The following VPS13B variants were observed in gnomAD, a reference collection of about 807,000 sequenced individuals.
VPS13B encodes the protein intermembrane lipid transfer protein VPS13B.
In VPS13B, 285 loss-of-function variants were observed where a neutral mutation model predicts 426.4. That is an observed-to-expected ratio of 0.67 (90% confidence interval 0.61 to 0.74). The LOEUF (loss-of-function observed/expected upper bound fraction) is 0.74. VPS13B is among the 30% of genes least tolerant of loss of function. VPS13B has a pLI of 0.00. For synonymous variants in VPS13B, 1,676 were observed against 1,676.4 expected (o/e 1.00, Z 0.01); for missense variants, 4,537 against 4,782.6 (o/e 0.95, Z 1.51).
At chr8:99,265,307 G>C (rs1469276326) in intron 17 of VPS13B, among the ~76,000 whole-genome samples, 2 of 152,118 alleles carry the variant, frequency 1.3e-5, no homozygotes, top group Non-Finnish European at 2.9e-5. Context: ...GATTGTAGGG[G>C]AATTGGACAC....
At chr8:99,481,553 G>A in intron 24 of VPS13B, 46 bp from the exon 25 acceptor site, 3 of 1,579,834 alleles carry the variant, frequency 1.9e-6, no homozygotes, top group Non-Finnish European at 2.6e-6. Flanking sequence ...GATTGAAACT[G>A]GAAGTTGAAA....
In VPS13B at chr8:99,504,234, C is replaced by A. The variant is rs1821382480; in HGVS notation, c.4157+1284C>A. ...TGACACACCTGTTCTGCTTTGCCTTCTTCCATGAGTAAAAGCTTCCCAAGG... is the reference window on the plus strand; with the variant it reads ...TGACACACCTGTTCTGCTTTGCCTTATTCCATGAGTAAAAGCTTCCCAAGG... On this transcript the variant is annotated intron_variant, in intron 27 of 61. Coordinates refer to ENST00000357162, the MANE Select transcript of VPS13B (RefSeq NM_152564.5). Among the ~76,000 whole-genome samples the A allele has an allele frequency of 2.6e-5, 4 of 152,190 alleles. No individual in the cohort carries two copies. The South Asian group carries it at 8.3e-4, about 32-fold the overall frequency.
At chr8:99,167,513 A>G (rs1055900720) in intron 15 of VPS13B, among the ~76,000 whole-genome samples, 1 of 152,018 alleles carries the variant, frequency 6.6e-6, no homozygotes, top group South Asian at 2.1e-4. Flanking sequence ...GTCATTTACA[A>G]TTAGCATGTG....
In VPS13B at chr8:99,507,148, G is replaced by A; in HGVS notation, c.4169G>A (p.Gly1390Asp). Reference sequence around the variant, plus strand: ...CTTATGTTTTCCAGGCCAGGGGAAGGTTGGCAGTCAGGACATTTTGAAGGA... The same window carrying A: ...CTTATGTTTTCCAGGCCAGGGGAAGATTGGCAGTCAGGACATTTTGAAGGA... Reference protein sequence around the residue: ...IDHYRSRPGEGWQSGHFEGVF... With the variant: ...IDHYRSRPGEDWQSGHFEGVF... The change falls in exon 28 of 62, where the codon GGT becomes GAT. Residue 1390 changes from glycine (G) to aspartate (D), a missense_variant. By Grantham distance (94) the Gly-to-Asp change is moderately conservative. Transcript: ENST00000357162. 1 of 1,613,984 alleles carries A rather than the reference G, an allele frequency of 6.2e-7. No homozygotes were observed. Among genetic ancestry groups the A allele is most frequent in the Middle Eastern group, 1.7e-4 (1 of 6,058 alleles).
intron 41 of VPS13B, 72 bp from the exon 42 acceptor site, chr8:99,778,610 C>A (rs1025872071): frequency 7.5e-7 from 1 of 1,339,126 alleles, no homozygotes; most frequent in Non-Finnish European, 1.1e-6. Context: ...GTTTGAATGT[C>A]ATTTCACTCT....
At chr8:99,503,102 C>T in intron 27 of VPS13B, 152 bp downstream of exon 27, 1 of 620,340 alleles carries the variant, frequency 1.6e-6, no homozygotes, top group Non-Finnish European at 2.8e-6. Context: ...CAGACTATTC[C>T]AATAAAGTGA....
At chr8:99,564,974 T>A (rs530608314) in intron 31 of VPS13B, among the ~76,000 whole-genome samples, 1 of 152,356 alleles carries the variant, frequency 6.6e-6, no homozygotes, top group East Asian at 1.9e-4. Context: ...TATTTTATAA[T>A]CTGAGGAAAT....
chr8:99,788,243 A>T (rs1479050284), intron 43 of VPS13B, among the ~76,000 whole-genome samples: 1 of 151,634 alleles, frequency 6.6e-6, no homozygotes, highest in Non-Finnish European at 1.5e-5. Context: ...TTAAAAATTT[A>T]AAAATCTCCA....
Position 99,738,639 on chromosome 8 carries a change from A to AT in VPS13B, c.7050+17599dup, listed in dbSNP as rs562048212. The stretch of plus-strand genomic sequence containing the variant: ...ACTCCTTCTACACATACAACCTTAC[A>AT]TTTTTTTCCAGGCAATATCTTTATC... On this transcript the variant is annotated intron_variant, in intron 39 of 61. Coordinates refer to ENST00000357162, the MANE Select transcript of VPS13B (RefSeq NM_152564.5). Among the ~76,000 whole-genome samples the AT allele has an allele frequency of 7.2e-5, 11 of 152,166 alleles. No homozygotes were observed. In the South Asian group the frequency reaches 8.3e-4, roughly 12 times the overall value.
intron 19 of VPS13B, among the ~76,000 whole-genome samples, chr8:99,379,843 CAG>C (rs1315309462): frequency 6.6e-6 from 1 of 152,080 alleles, no homozygotes; most frequent in Non-Finnish European, 1.5e-5. Flanking sequence ...GCTCATTTGA[CAG>C]AAAGAAATTC....
At chr8:99,156,908 T>C (rs1054904772) in intron 15 of VPS13B, among the ~76,000 whole-genome samples, 165 bp downstream of exon 15, 2 of 152,186 alleles carry the variant, frequency 1.3e-5, no homozygotes, top group Non-Finnish European at 2.9e-5. Flanking sequence ...AAGTAAGTAA[T>C]AAAAATATAC....
intron 39 of VPS13B, among the ~76,000 whole-genome samples, chr8:99,750,341 C>CTGGTTTGGGAA (rs1810330450): frequency 1.3e-5 from 2 of 152,092 alleles, no homozygotes; most frequent in Non-Finnish European, 2.9e-5. Flanking sequence ...AAAGTTGCCC[C>CTGGTTTGGGAA]ACTTTGGGAC....
At chr8:99,154,752 A>T (rs1811267082) in intron 14 of VPS13B, among the ~76,000 whole-genome samples, 1 of 152,146 alleles carries the variant, frequency 6.6e-6, no homozygotes, top group South Asian at 2.1e-4. Flanking sequence ...TAGTCTGAGC[A>T]ATCCTAATTC....
At chr8:99,124,171 G>A (rs535403609) in intron 8 of VPS13B, among the ~76,000 whole-genome samples, 9 of 152,290 alleles carry the variant, frequency 5.9e-5, no homozygotes, top group Non-Finnish European at 1.2e-4. Flanking sequence ...TACCATAAAG[G>A]TTTTAAAGAG....
At chr8:99,397,180 C>G (rs781256560) in intron 21 of VPS13B, among the ~76,000 whole-genome samples, 14 of 152,192 alleles carry the variant, frequency 9.2e-5, no homozygotes, top group Non-Finnish European at 1.6e-4. Flanking sequence ...GAGTCTCACT[C>G]TGTCGCCCAG....
chr8:99,696,407 T>C lies in VPS13B; in HGVS notation c.6047-3118T>C, dbSNP rs551371256. On this transcript the variant is annotated intron_variant, in intron 35 of 61. Coordinates refer to ENST00000357162, the MANE Select transcript of VPS13B (RefSeq NM_152564.5). ...CATGCCAAGATCGTGGTGCTCATGC[T>C]GTGGCACATCCTTGACAGCCACACC... 279 of 339,120 alleles carry C rather than the reference T, an allele frequency of 8.2e-4. 1 individual carries two copies. The highest frequency in any genetic ancestry group is 5.5e-3 in the African/African-American group (257 of 46,804). 21.0% of individuals were successfully genotyped at this position (339,120 alleles called of 1,614,324 possible). A position where few individuals can be genotyped will look rare whatever the true frequency, so the allele number is the denominator to read the frequency against.
intron 19 of VPS13B, among the ~76,000 whole-genome samples, chr8:99,306,407 G>A (rs946421286): frequency 5.3e-5 from 8 of 151,990 alleles, no homozygotes; most frequent in African/African-American, 1.9e-4. Context: ...ATGCTGTTTG[G>A]GGGAAGCTGG....
chr8:99,683,658 C>G (rs927780319), intron 35 of VPS13B, among the ~76,000 whole-genome samples: 28 of 152,114 alleles, frequency 1.8e-4, no homozygotes, highest in African/African-American at 6.5e-4. Context: ...TTTCCACCTG[C>G]ATATTGTTAG....
intron 15 of VPS13B, among the ~76,000 whole-genome samples, chr8:99,160,059 A>T (rs544865099): frequency 6.6e-6 from 1 of 152,110 alleles, no homozygotes; most frequent in South Asian, 2.1e-4. Context: ...AACTTTTATT[A>T]TATGTACTGG....
Sources: allele counts gnomAD v4.1 joint callset (sites outside exome capture counted in the v4.1 genomes callset), GRCh38; gene constraint gnomAD v4.1.1; transcripts MANE v1.5; gene names NCBI Gene and HGNC (gene_info 2026-07-23, HGNC 2026-07-21).